HABP4: variants seen among roughly 807,000 people sequenced by gnomAD.
HABP4 encodes intracellular hyaluronan-binding protein 4.
A neutral mutation model predicts 44.1 loss-of-function variants in HABP4; 32 were observed. The ratio of observed to expected loss-of-function variants is 0.73; its 90% confidence interval spans 0.55 to 0.97. The LOEUF is 0.97. Among genes scored for constraint, HABP4 ranks in the 50% least tolerant of loss-of-function variants. The probability of loss-of-function intolerance (pLI) is 0.00; values close to 1 mark genes in which losing one functional copy is unlikely to be tolerated. For missense variants in HABP4, 503 were observed against 561.9 expected (o/e 0.90, Z 1.06); for synonymous variants, 216 against 218.0 (o/e 0.99, Z 0.08).
At position 96,479,460 on chromosome 9, in the gene HABP4, AT is replaced by A. The variant is rs1167835488; in HGVS notation, c.828-5001del. Reference sequence around the variant, plus strand: ...TTGAATTTTAATTTAAATCTGTTTTATAATTATGTAAAATATTTACATGTTT... The same window carrying A: ...TTGAATTTTAATTTAAATCTGTTTTAAATTATGTAAAATATTTACATGTTT... On this transcript the variant is annotated intron_variant, in intron 5 of 7. Transcript: ENST00000375249. Among the ~76,000 whole-genome samples the A allele has an allele frequency of 3.9e-5, 6 of 152,274 alleles. No homozygotes were observed. In the East Asian group the frequency reaches 1.2e-3, roughly 29 times the overall value.
At chr9:96,467,277 C>T (rs1832617364) in intron 4 of HABP4, among the ~76,000 whole-genome samples, 1 of 152,060 alleles carries the variant, frequency 6.6e-6, no homozygotes, top group Non-Finnish European at 1.5e-5. Flanking sequence ...TCCTTAAAGA[C>T]AAATGTACAA....
intron 5 of HABP4, among the ~76,000 whole-genome samples, chr9:96,471,881 C>T (rs990978878): frequency 8.5e-5 from 13 of 152,158 alleles, no homozygotes; most frequent in Non-Finnish European, 1.6e-4. Flanking sequence ...ACCTCCACCT[C>T]CCAGATTCAA....
At chr9:96,470,030 G>A (rs1832667526) in intron 4 of HABP4, among the ~76,000 whole-genome samples, 1 of 152,146 alleles carries the variant, frequency 6.6e-6, no homozygotes, top group Non-Finnish European at 1.5e-5. Context: ...GAAATACTCA[G>A]TTTTTTGTGG....
At position 96,488,055 on chromosome 9, in the gene HABP4, C is replaced by T. The variant is rs771016069; in HGVS notation, c.1000-34C>T. 1.3e-6 allele frequency: 2 copies of T among 1,496,900 alleles called. No individual in the cohort carries two copies. The highest frequency in any genetic ancestry group is 1.9e-6 in the Non-Finnish European group (2 of 1,076,840). The allele number at this position is 1,496,900 out of a possible 1,614,324, so 92.7% of individuals were successfully genotyped here. ...AGATGAGTGTGGGGATGGCTGTGGA[C>T]TTGTGCGTGTTTGATGCTGTAATTG... On this transcript the variant is annotated intron_variant, in intron 6 of 7. Transcript: ENST00000375249. This position sits in a 1 kb window ranked among gnomAD's most constrained non-coding sequence, Gnocchi z 4.6.
At chr9:96,476,987 A>G (rs1564166643) in intron 5 of HABP4, among the ~76,000 whole-genome samples, 1 of 152,214 alleles carries the variant, frequency 6.6e-6, no homozygotes, top group South Asian at 2.1e-4. Context: ...GAATTACACT[A>G]TATGCTTTAC....
intron 5 of HABP4, among the ~76,000 whole-genome samples, chr9:96,479,155 G>A (rs1832834253): frequency 6.6e-6 from 1 of 152,108 alleles, no homozygotes; most frequent in African/African-American, 2.4e-5. Flanking sequence ...GTTAAGATAT[G>A]GGATTTTTAC....
rs558336209 is a variant in HABP4 at position 96,477,628 on chromosome 9, AATTT to A, written c.827+6539_827+6542del. On this transcript the variant is annotated intron_variant, in intron 5 of 7. Coordinates refer to ENST00000375249, the MANE Select transcript of HABP4 (RefSeq NM_014282.4). ...TGTCTTCAAAACTTTTTAAAAAGAT[AATTT>A]ATTTGTTTGAAATAATATTGAAATA... is the stretch of plus-strand genomic sequence containing the variant. Among the ~76,000 whole-genome samples the A allele has an allele frequency of 5.0e-3, 764 of 152,350 alleles. 7 individuals carry two copies. The highest frequency in any genetic ancestry group is 0.018 in the African/African-American group (730 of 41,578).
chr9:96,454,514 G>T (rs1587768301), intron 1 of HABP4, among the ~76,000 whole-genome samples: 1 of 146,754 alleles, frequency 6.8e-6, no homozygotes, highest in East Asian at 2.0e-4. Context: ...GCAGTGGCAC[G>T]ATCTTGGCTC....
At chr9:96,459,461 A>T (rs1832461761) in intron 2 of HABP4, among the ~76,000 whole-genome samples, 2 of 152,104 alleles carry the variant, frequency 1.3e-5, no homozygotes, top group Admixed American at 1.3e-4. Context: ...CCACCTCAAC[A>T]CGGGGAGGGG....
intron 1 of HABP4, among the ~76,000 whole-genome samples, chr9:96,457,588 C>T (rs1832416643): frequency 6.6e-6 from 1 of 152,202 alleles, no homozygotes; most frequent in South Asian, 2.1e-4. Context: ...AAAACCTTGG[C>T]CAGGCGCTGA....
At chr9:96,465,828 T>G in intron 4 of HABP4, 50 bp downstream of exon 4, 1 of 965,632 alleles carries the variant, frequency 1.0e-6, no homozygotes, top group Admixed American at 1.7e-5. Flanking sequence ...AGTGGAAATC[T>G]CTGGATCTTT....
intron 5 of HABP4, among the ~76,000 whole-genome samples, chr9:96,476,861 A>T (rs1283757950): frequency 6.6e-6 from 1 of 152,254 alleles, no homozygotes; most frequent in African/African-American, 2.4e-5. Flanking sequence ...GCTGATAAGC[A>T]GGGCATTCGT....
At chr9:96,474,626 G>A (rs550772193) in intron 5 of HABP4, among the ~76,000 whole-genome samples, 6 of 152,268 alleles carry the variant, frequency 3.9e-5, no homozygotes, top group Non-Finnish European at 7.4e-5. Context: ...TGACCGTGCC[G>A]AGAGATTCTT....
intron 1 of HABP4, among the ~76,000 whole-genome samples, chr9:96,452,190 G>C (rs1281512848): frequency 1.4e-5 from 2 of 144,682 alleles, no homozygotes; most frequent in Non-Finnish European, 3.0e-5. Context: ...TCGAGCCACT[G>C]TACTCCAGTC....
chr9:96,456,770 AAAAAAAAAAAATATATATATATAT>A (rs1350363905), intron 1 of HABP4, among the ~76,000 whole-genome samples: 2 of 69,316 alleles, frequency 2.9e-5, no homozygotes, highest in African/African-American at 1.3e-4. Flanking sequence ...AAAAAAAAAA[AAAAAAAAAAAATATATATATATAT>A]ATATATATAT....
chr9:96,479,106 A>G (rs1403800695), intron 5 of HABP4, among the ~76,000 whole-genome samples: 1 of 152,346 alleles, frequency 6.6e-6, no homozygotes, highest in East Asian at 1.9e-4. Flanking sequence ...TACACATTAT[A>G]AGATAAAATA....
At chr9:96,484,908 C>T (rs1299027464) in intron 6 of HABP4, among the ~76,000 whole-genome samples, 2 of 152,194 alleles carry the variant, frequency 1.3e-5, no homozygotes, top group African/African-American at 2.4e-5. Context: ...TGTGTATTAA[C>T]TGTATTTCAT....
Position 96,450,185 on chromosome 9 carries a change from T to TGGC in HABP4, c.-89_-87dup, listed in dbSNP as rs1490380387. On this transcript the variant is annotated 5_prime_UTR_variant, in exon 1 of 8. Transcript: ENST00000375249. The surrounding 1 kb of genome is among the most constrained non-coding windows in gnomAD (Gnocchi z 4.8). ...GGACAGGGTAGGGCCCGGAGGGCGG[T>TGGC]GGCGGCGGAGCGGGCGGCATGGGTC... The TGGC allele has an allele frequency of 8.5e-7, 1 of 1,175,134 alleles. No individual in the cohort carries two copies. Among genetic ancestry groups the TGGC allele is most frequent in the African/African-American group, 1.6e-5 (1 of 60,886 alleles). The allele number at this position is 1,175,134 out of a possible 1,614,324, so 72.8% of individuals were successfully genotyped here.
At chr9:96,456,772 AAAAAAAAAATATATATAT>A (rs1295082538) in intron 1 of HABP4, among the ~76,000 whole-genome samples, 4 of 72,092 alleles carry the variant, frequency 5.5e-5, no homozygotes, top group African/African-American at 1.9e-4. Flanking sequence ...AAAAAAAAAA[AAAAAAAAAATATATATAT>A]ATATATATAT....
Sources: allele counts gnomAD v4.1 joint callset (sites outside exome capture counted in the v4.1 genomes callset), GRCh38; gene constraint gnomAD v4.1.1; non-coding constraint Gnocchi (gnomAD v3.1); transcripts MANE v1.5; gene names NCBI Gene and HGNC (gene_info 2026-07-23, HGNC 2026-07-21).